Variants in DOCK4 observed in about 807,000 individuals in gnomAD.
The protein encoded by DOCK4 is dedicator of cytokinesis 4.
A neutral mutation model predicts 268.1 loss-of-function variants in DOCK4; 97 were observed. That is an observed-to-expected ratio of 0.36 (90% confidence interval 0.31 to 0.43). The LOEUF (loss-of-function observed/expected upper bound fraction) is 0.43, where lower values mean the gene tolerates loss of function less well. DOCK4 is among the 20% of genes least tolerant of loss of function. DOCK4 has a pLI of 1.00. For synonymous variants in DOCK4, 954 were observed against 887.2 expected (o/e 1.08, Z -1.34); for missense variants, 2,145 against 2,455.7 (o/e 0.87, Z 2.67).
intron 1 of DOCK4, among the ~76,000 whole-genome samples, chr7:112,006,767 C>G (rs1015938946): frequency 6.6e-6 from 1 of 152,196 alleles, no homozygotes; most frequent in African/African-American, 2.4e-5. Context: ...TGTGTAATCA[C>G]TGCCTGTGAT....
chr7:112,093,789 T>C (rs1252863998), intron 1 of DOCK4, among the ~76,000 whole-genome samples: 2 of 151,758 alleles, frequency 1.3e-5, no homozygotes, highest in Non-Finnish European at 2.9e-5. Flanking sequence ...GCTTGCCTTT[T>C]AAAAATTCTA....
At chr7:112,181,129 A>T (rs966113098) in intron 1 of DOCK4, among the ~76,000 whole-genome samples, 1 of 152,214 alleles carries the variant, frequency 6.6e-6, no homozygotes, top group Admixed American at 6.5e-5. Flanking sequence ...ATAATATCCA[A>T]TGTTGGCAAG....
chr7:112,182,193 G>A (rs1488987382), intron 1 of DOCK4, among the ~76,000 whole-genome samples: 2 of 152,188 alleles, frequency 1.3e-5, no homozygotes, highest in Non-Finnish European at 2.9e-5. Context: ...TGTGACACCT[G>A]TAAAGGACTT....
intron 12 of DOCK4, among the ~76,000 whole-genome samples, chr7:111,926,545 G>A (rs1195789653): frequency 6.9e-6 from 1 of 145,724 alleles, no homozygotes; most frequent in Middle Eastern, 3.6e-3. Flanking sequence ...AAGAGAAAGA[G>A]AAAGAAAGGA....
intron 23 of DOCK4, among the ~76,000 whole-genome samples, chr7:111,851,032 C>A (rs968328996): frequency 6.6e-6 from 1 of 152,172 alleles, no homozygotes; most frequent in Non-Finnish European, 1.5e-5. Flanking sequence ...GATGCTAGAA[C>A]AATTGGATAC....
At chr7:111,814,195 A>G (rs1039651307) in intron 27 of DOCK4, among the ~76,000 whole-genome samples, 1 of 152,224 alleles carries the variant, frequency 6.6e-6, no homozygotes, top group African/African-American at 2.4e-5. Context: ...ATTCCATGGC[A>G]AAGATTACCA....
chr7:111,780,624 C>G (rs1237736177), intron 35 of DOCK4, among the ~76,000 whole-genome samples: 1 of 152,178 alleles, frequency 6.6e-6, no homozygotes, highest in South Asian at 2.1e-4. Flanking sequence ...ATTACATTTC[C>G]TAGTATTAGT....
chr7:111,908,141 A>G (rs904327204), intron 13 of DOCK4, among the ~76,000 whole-genome samples: 4 of 152,106 alleles, frequency 2.6e-5, no homozygotes, highest in Non-Finnish European at 2.9e-5. Flanking sequence ...TTTCTCTATC[A>G]GTACATAGTA....
In DOCK4 at chr7:111,797,762, G is replaced by T. The variant is rs1217793472; in HGVS notation, c.3167-7157C>A. 3.9e-5 allele frequency among the ~76,000 whole-genome samples: 6 copies of T among 152,246 alleles called. No individual in the cohort carries two copies. The East Asian group carries it at 9.7e-4, about 25-fold the overall frequency. On this transcript the variant is annotated intron_variant, in intron 30 of 52. Transcript: ENST00000428084. Reference sequence around the variant, plus strand: ...TAATTACTCTAAACTGTCTATAATAGACCAAAAGACAGATAAGAATCCTGT... The same window carrying T: ...TAATTACTCTAAACTGTCTATAATATACCAAAAGACAGATAAGAATCCTGT...
Position 111,868,097 on chromosome 7 carries a change from TG to T in DOCK4, c.2166del (p.Thr723LeufsTer42). ...AACTCCTCTTCGTTTTGCCCACCAG[TG>T]GCAAGGGAAAACAGCCTTCGAGATT... ...IVQSRRLFSL[A>X]TGGQNEEEFR... On this transcript the variant is annotated frameshift_variant, in exon 22 of 53. Transcript: ENST00000428084. LOFTEE classifies it high-confidence loss of function. The T allele has an allele frequency of 6.2e-7, 1 of 1,613,420 alleles. No individual in the cohort carries two copies. The highest frequency in any genetic ancestry group is 8.5e-7 in the Non-Finnish European group (1 of 1,179,644).
At chr7:111,935,202 C>A (rs748461488) in intron 12 of DOCK4, among the ~76,000 whole-genome samples, 7 of 152,108 alleles carry the variant, frequency 4.6e-5, no homozygotes, top group Non-Finnish European at 8.8e-5. Flanking sequence ...CTAATCTCGG[C>A]CTCCCAAAGT....
rs1035513390 is a variant in DOCK4, at chr7:112,149,687, G to A, written c.37+56415C>T. 2.6e-5 allele frequency among the ~76,000 whole-genome samples: 4 copies of A among 152,296 alleles called. No homozygotes were observed. In the South Asian group the frequency reaches 8.3e-4, roughly 32 times the overall value. On this transcript the variant is annotated intron_variant, in intron 1 of 52. Transcript: ENST00000428084. ...ATAAAAGAAAATTCATCTGTCACCA[G>A]GAGATATGATTTCTAGTGTCTCTTC...
At chr7:111,797,608 T>C (rs187629390) in intron 30 of DOCK4, among the ~76,000 whole-genome samples, 3 of 152,210 alleles carry the variant, frequency 2.0e-5, no homozygotes, top group Admixed American at 2.0e-4. Flanking sequence ...AGAAACACCA[T>C]TCCCAACTGG....
At chr7:111,891,592 T>C (rs10228638) in intron 16 of DOCK4, among the ~76,000 whole-genome samples, 75,245 of 151,988 alleles carry the variant, frequency 0.5, 21,213 homozygotes, top group African/African-American at 0.78. Context: ...ATTATCTTCT[T>C]CCAAAAAATA....
At chr7:111,937,869 ACTGAGTAGGAG>A (rs1316617977) in intron 11 of DOCK4, among the ~76,000 whole-genome samples, 1 of 152,190 alleles carries the variant, frequency 6.6e-6, no homozygotes, top group East Asian at 1.9e-4. Flanking sequence ...TATGAGTAAA[ACTGAGTAGGAG>A]CGTCTGTCTG....
intron 1 of DOCK4, among the ~76,000 whole-genome samples, chr7:112,116,260 T>C (rs1447418629): frequency 6.6e-6 from 1 of 152,194 alleles, no homozygotes; most frequent in African/African-American, 2.4e-5. Context: ...TGAAATCATA[T>C]AATGTGTGAC....
At chr7:111,855,780 T>C (rs893146172) in intron 23 of DOCK4, among the ~76,000 whole-genome samples, 2 of 152,192 alleles carry the variant, frequency 1.3e-5, no homozygotes, top group African/African-American at 4.8e-5. Flanking sequence ...TTTTGTGCTT[T>C]ACTGTAAACA....
At chr7:111,843,288 CTTG>C (rs1281587738) in intron 25 of DOCK4, among the ~76,000 whole-genome samples, 1 of 152,218 alleles carries the variant, frequency 6.6e-6, no homozygotes, top group African/African-American at 2.4e-5. Flanking sequence ...CTCTGCAAAG[CTTG>C]TTAAGAGGAT....
chr7:111,947,816 C>T (rs185449623), intron 8 of DOCK4, among the ~76,000 whole-genome samples: 3 of 152,174 alleles, frequency 2.0e-5, no homozygotes, highest in African/African-American at 2.4e-5. Context: ...CTCTGCCTCC[C>T]GGGTTCAAGC....
Sources: gnomAD v4.1 joint callset for allele counts (sites outside exome capture counted in the v4.1 genomes callset) on GRCh38, gnomAD v4.1.1 for gene constraint, MANE v1.5 for transcripts, NCBI Gene and HGNC (gene_info 2026-07-23, HGNC 2026-07-21) for gene names.